EPS8L2: variants seen among roughly 807,000 people sequenced by gnomAD.
EPS8L2 encodes the protein EPS8 signaling adaptor L2, also known as epidermal growth factor receptor kinase substrate 8-like protein 2.
Under a neutral mutation model 99.4 loss-of-function variants are expected in EPS8L2, and 81 were observed. The observed-to-expected ratio is 0.82, with a 90% CI of 0.68 to 0.98. The LOEUF is 0.98. Ranked by LOEUF, EPS8L2 falls within the 50% of genes least tolerant of loss-of-function variation. The pLI, the probability that EPS8L2 is intolerant of heterozygous loss-of-function variation, is 0.00. For missense variants in EPS8L2, 1,155 were observed against 968.8 expected (o/e 1.19, Z -2.55); for synonymous variants, 509 against 407.3 (o/e 1.25, Z -3.01).
Position 709,463 on chromosome 11 carries a change from C to T in EPS8L2, c.44+12C>T. On this transcript the variant is annotated intron_variant, in intron 2 of 20. Coordinates refer to ENST00000318562, the MANE Select transcript of EPS8L2 (RefSeq NM_022772.4). ...CCGGGTGCCACCAAGTGAGCCCTCC[C>T]ACCCATCCCGAATACCCCACCCTCA... 2 of 1,597,766 alleles carry T rather than the reference C, an allele frequency of 1.3e-6. No homozygotes were observed. Among genetic ancestry groups the T allele is most frequent in the South Asian group, 2.3e-5 (2 of 88,608 alleles).
At chr11:718,466 T>C (rs1862074216) in intron 4 of EPS8L2, among the ~76,000 whole-genome samples, 1 of 151,826 alleles carries the variant, frequency 6.6e-6, no homozygotes, top group African/African-American at 2.4e-5. Context: ...CTTTGAGTTT[T>C]TGCATGCTTT....
At chr11:719,406 C>A (rs971273685) in intron 4 of EPS8L2, among the ~76,000 whole-genome samples, 7 of 152,228 alleles carry the variant, frequency 4.6e-5, no homozygotes, top group Non-Finnish European at 1.0e-4. Flanking sequence ...AACACGGCAG[C>A]TTGGCTGGAG....
At chr11:722,903 C>A (rs1862225304) in intron 14 of EPS8L2, 98 bp downstream of exon 14, 1 of 595,426 alleles carries the variant, frequency 1.7e-6, no homozygotes, top group Admixed American at 3.9e-5. Flanking sequence ...CCCCAGAGCT[C>A]CCCCCCCAGC....
Position 714,923 on chromosome 11 carries a change from A to C in EPS8L2, c.165+4437A>C, listed in dbSNP as rs191263461. ...GTTGGTTTTATAAAATGGGTGGGGA[A>C]GTATTCCCTCCTCTTCTGTTTTCAG... On this transcript the variant is annotated intron_variant, in intron 4 of 20. Transcript: ENST00000318562. Among the ~76,000 whole-genome samples, 3 of 152,198 alleles carry C rather than the reference A, an allele frequency of 2.0e-5. No homozygotes were observed. The East Asian group carries it at 5.8e-4, about 29-fold the overall frequency.
Position 721,626 on chromosome 11 carries a change from C to A in EPS8L2, c.830C>A (p.Ala277Asp). 1 of 1,574,904 alleles carries A rather than the reference C, an allele frequency of 6.3e-7. No homozygotes were observed. The highest frequency in any genetic ancestry group is 1.2e-5 in the South Asian group (1 of 86,294). ...TTTGTGGCCCGGCTGCAGAAGGCAG[C>A]CGAGGCTTTCAAGCAGCTGAACCAG... ...EWFVARLQKAAEAFKQLNQRK... is the reference protein window; with the variant it reads ...EWFVARLQKADEAFKQLNQRK... The change falls in exon 10 of 21, where the codon GCC becomes GAC. Residue 277 changes from alanine (A) to aspartate (D), a missense_variant. Physicochemically the swap from Ala to Asp is moderately radical, Grantham distance 126. Coordinates refer to ENST00000318562, the MANE Select transcript of EPS8L2 (RefSeq NM_022772.4).
chr11:722,485 G>A lies in EPS8L2; in HGVS notation c.1144G>A (p.Gly382Ser), dbSNP rs774067035. The part of the protein sequence containing the change: ...LSRDAVDFLR[G>S]HLVPKEMSLW... ...CCGAGATGCCGTGGACTTCCTGCGC[G>A]GCCACCTGGTCCCTAAGGAGATGTC... The change falls in exon 13 of 21, where the codon GGC (glycine) becomes AGC (serine). Residue 382 changes from glycine (G) to serine (S), a missense_variant. Transcript: ENST00000318562. 3.3e-5 allele frequency: 53 copies of A among 1,613,448 alleles called. No homozygotes were observed. Among genetic ancestry groups the A allele is most frequent in the Non-Finnish European group, 4.1e-5 (48 of 1,179,938 alleles).
intron 11 of EPS8L2, 36 bp downstream of exon 11, chr11:722,027 G>A (rs757601633): frequency 2.0e-5 from 32 of 1,607,002 alleles, no homozygotes; most frequent in Non-Finnish European, 2.6e-5. Flanking sequence ...CCCACTGTCT[G>A]TGCTGAGGGG....
At chr11:718,696 TCTCA>T (rs1215089672) in intron 4 of EPS8L2, among the ~76,000 whole-genome samples, 24 of 147,910 alleles carry the variant, frequency 1.6e-4, no homozygotes, top group African/African-American at 5.8e-4. Flanking sequence ...TGAGATGGAG[TCTCA>T]CTCTGTCGCC....
At chr11:713,771 C>G (rs1316614095) in intron 4 of EPS8L2, among the ~76,000 whole-genome samples, 1 of 152,260 alleles carries the variant, frequency 6.6e-6, no homozygotes, top group African/African-American at 2.4e-5. Context: ...GTCTTGAACT[C>G]CTGACCTCAA....
chr11:722,212 G>C (rs781039059), intron 12 of EPS8L2, 47 bp downstream of exon 12: 2 of 1,591,350 alleles, frequency 1.3e-6, no homozygotes, highest in Non-Finnish European at 1.7e-6. Context: ...GGGCCCAGAG[G>C]CCTCTGCAGC....
chr11:719,944 C>G, intron 4 of EPS8L2, 118 bp from the exon 5 acceptor site: 1 of 995,548 alleles, frequency 1.0e-6, no homozygotes, highest in Non-Finnish European at 1.5e-6. Flanking sequence ...GGTCCCCGTT[C>G]TAGCCCCCTA....
In EPS8L2 at chr11:710,494, C is replaced by A; in HGVS notation, c.165+8C>A. On this transcript the variant is annotated splice_region_variant and intron_variant, in intron 4 of 20. Transcript: ENST00000318562. ...TCGCAGTACCACGTCCAGGTAAGGCCCCGCCCCCAGGTAGGCTCCGCCCCC... is the reference window on the plus strand; with the variant it reads ...TCGCAGTACCACGTCCAGGTAAGGCACCGCCCCCAGGTAGGCTCCGCCCCC... 6.2e-7 allele frequency: 1 copy of A among 1,613,272 alleles called. No individual in the cohort carries two copies. Among genetic ancestry groups the A allele is most frequent in the Non-Finnish European group, 8.5e-7 (1 of 1,179,560 alleles).
chr11:721,015 G>GA, intron 7 of EPS8L2, 49 bp from the exon 8 acceptor site: 1 of 1,086,328 alleles, frequency 9.2e-7, no homozygotes, highest in South Asian at 1.7e-5. Flanking sequence ...AGGGAGGGAG[G>GA]GTCAGGTGCG....
intron 9 of EPS8L2, 82 bp from the exon 10 acceptor site, chr11:721,483 C>T: frequency 6.6e-7 from 1 of 1,506,514 alleles, no homozygotes. Flanking sequence ...CAGCTCCTCC[C>T]ATCATCTGTG....
chr11:720,212 A>G lies in EPS8L2; in HGVS notation c.316A>G (p.Ile106Val). ...CGACCAGTCGCTGCGGCTGCTGGAC[A>G]TCGAGTCACAGGTGGGGCCCAGCGC... ...VNDQSLRLLD[I>V]ESQEELEDFP... The change falls in exon 5 of 21, where the codon ATC becomes GTC. Residue 106 changes from isoleucine (I) to valine (V), a missense_variant. Physicochemically the swap from Ile to Val is conservative, Grantham distance 29. Coordinates refer to ENST00000318562, the MANE Select transcript of EPS8L2 (RefSeq NM_022772.4). The G allele has an allele frequency of 6.2e-7, 1 of 1,613,008 alleles. No homozygotes were observed. The highest frequency in any genetic ancestry group is 8.5e-7 in the Non-Finnish European group (1 of 1,179,902).
intron 5 of EPS8L2, 86 bp downstream of exon 5, chr11:720,309 C>A: frequency 6.9e-7 from 1 of 1,452,206 alleles, no homozygotes; most frequent in South Asian, 1.3e-5. Flanking sequence ...TGCGGCCGGT[C>A]CTCTCTGCAG....
At chr11:717,198 A>G (rs1036907659) in intron 4 of EPS8L2, among the ~76,000 whole-genome samples, 7 of 152,012 alleles carry the variant, frequency 4.6e-5, no homozygotes, top group Non-Finnish European at 7.4e-5. Flanking sequence ...GCTGGTCTCG[A>G]ACTCCTGACC....
intron 4 of EPS8L2, among the ~76,000 whole-genome samples, chr11:715,797 T>C (rs1862009467): frequency 6.7e-6 from 1 of 149,654 alleles, no homozygotes; most frequent in Non-Finnish European, 1.5e-5. Flanking sequence ...ATTTTTTGTA[T>C]TTTTAGTAGA....
chr11:717,524 T>G (rs949027247), intron 4 of EPS8L2, among the ~76,000 whole-genome samples: 1 of 152,080 alleles, frequency 6.6e-6, no homozygotes, highest in Non-Finnish European at 1.5e-5. Flanking sequence ...TTTCTCCACA[T>G]CCTAACCCAT....
Sources: gnomAD v4.1 joint callset for allele counts (sites outside exome capture counted in the v4.1 genomes callset) on GRCh38, gnomAD v4.1.1 for gene constraint, MANE v1.5 for transcripts, NCBI Gene and HGNC (gene_info 2026-07-23, HGNC 2026-07-21) for gene names.